SRPK2: variants seen among roughly 807,000 people sequenced by gnomAD.
The protein encoded by SRPK2 is SRSF protein kinase 2.
A neutral mutation model predicts 90.8 loss-of-function variants in SRPK2; 21 were observed. The observed-to-expected ratio is 0.23, with a 90% CI of 0.16 to 0.33. The LOEUF (loss-of-function observed/expected upper bound fraction) is 0.33, where lower values mean the gene tolerates loss of function less well. Ranked by LOEUF, SRPK2 falls within the 10% of genes least tolerant of loss-of-function variation. The pLI is 1.00. For synonymous variants in SRPK2, 288 were observed against 311.1 expected, an observed-to-expected ratio of 0.93 and a Z score of 0.78; for missense variants, 620 against 869.0, an observed-to-expected ratio of 0.71 and a Z score of 3.60.
intron 2 of SRPK2, among the ~76,000 whole-genome samples, chr7:105,363,443 G>A (rs1204301365): frequency 3.3e-5 from 5 of 152,126 alleles, no homozygotes; most frequent in Non-Finnish European, 5.9e-5. Flanking sequence ...ATCATCACTG[G>A]CCATCAGAGA....
At chr7:105,327,471 G>A (rs553951792) in intron 2 of SRPK2, among the ~76,000 whole-genome samples, 1 of 152,256 alleles carries the variant, frequency 6.6e-6, no homozygotes, top group Admixed American at 6.5e-5. Context: ...CAATCTCTTG[G>A]TTTTGTACCT....
intron 2 of SRPK2, among the ~76,000 whole-genome samples, chr7:105,351,697 G>A (rs1020290197): frequency 2.6e-5 from 4 of 151,322 alleles, no homozygotes; most frequent in Admixed American, 1.3e-4. Context: ...CCAGCTACTC[G>A]GGAGGCTGAG....
intron 2 of SRPK2, chr7:105,204,496 G>A: frequency 5.6e-6 from 2 of 357,434 alleles, no homozygotes; most frequent in South Asian, 4.8e-5. Context: ...CCATGCCCCA[G>A]TGCGGGGAAA....
chr7:105,135,127 T>C (rs1802598756), intron 11 of SRPK2, among the ~76,000 whole-genome samples: 1 of 152,208 alleles, frequency 6.6e-6, no homozygotes, highest in African/African-American at 2.4e-5. Flanking sequence ...GCCCCGTATG[T>C]CATTTAATCA....
chr7:105,226,463 G>A (rs1798724435), intron 2 of SRPK2, among the ~76,000 whole-genome samples: 1 of 151,908 alleles, frequency 6.6e-6, no homozygotes, highest in Non-Finnish European at 1.5e-5. Flanking sequence ...GCTAACTTTA[G>A]TATTTTTAGT....
At chr7:105,378,243 T>C (rs1264316831) in intron 2 of SRPK2, among the ~76,000 whole-genome samples, 1 of 152,116 alleles carries the variant, frequency 6.6e-6, no homozygotes, top group Non-Finnish European at 1.5e-5. Flanking sequence ...CAGTTTAGAA[T>C]GCCCTCCTGA....
intron 2 of SRPK2, among the ~76,000 whole-genome samples, chr7:105,234,946 C>T (rs1364691409): frequency 1.3e-5 from 2 of 152,226 alleles, no homozygotes; most frequent in African/African-American, 2.4e-5. Context: ...CAGCCCAGGA[C>T]GGCTTTGAAT....
At position 105,275,673 on chromosome 7, in the gene SRPK2, A is replaced by G. The variant is rs548162039; in HGVS notation, c.72-71888T>C. Among the ~76,000 whole-genome samples the G allele has an allele frequency of 8.5e-4, 130 of 152,344 alleles. 2 individuals carry two copies. The highest frequency in any genetic ancestry group is 6.8e-3 in the Middle Eastern group (2 of 294). ...TACAGCACTAAGCCAAGCCCCTGGA[A>G]CCCTGATGAGGAGTAGCAGATTACC... On this transcript the variant is annotated intron_variant, in intron 2 of 15. Transcript: ENST00000393651.
chr7:105,374,874 T>C (rs539496007), intron 2 of SRPK2, among the ~76,000 whole-genome samples: 13 of 152,264 alleles, frequency 8.5e-5, no homozygotes, highest in Non-Finnish European at 1.3e-4. Flanking sequence ...CCCAAACTGC[T>C]GGAATTACAG....
intron 1 of SRPK2, among the ~76,000 whole-genome samples, chr7:105,397,243 T>C (rs780431611): frequency 1.3e-5 from 2 of 151,952 alleles, no homozygotes; most frequent in African/African-American, 4.8e-5. Context: ...GTCTCGATCT[T>C]TTGACGTCGT....
At chr7:105,257,989 C>G (rs991663222) in intron 2 of SRPK2, among the ~76,000 whole-genome samples, 2 of 151,796 alleles carry the variant, frequency 1.3e-5, no homozygotes, top group African/African-American at 4.8e-5. Context: ...CGCCTGTAGT[C>G]CCACCTACTC....
chr7:105,226,720 C>G (rs1798754042), intron 2 of SRPK2, among the ~76,000 whole-genome samples: 2 of 151,964 alleles, frequency 1.3e-5, no homozygotes, highest in African/African-American at 4.8e-5. Flanking sequence ...CAGTGTAGAT[C>G]TCTGGCCAGG....
intron 2 of SRPK2, among the ~76,000 whole-genome samples, chr7:105,289,100 C>CAAAAAAAAA (rs57131530): frequency 1.2e-5 from 1 of 86,644 alleles, no homozygotes; most frequent in Non-Finnish European, 2.2e-5. Flanking sequence ...ACTTAAAGCA[C>CAAAAAAAAA]AAAAAAAAAA....
rs140249965 is a variant in SRPK2 at position 105,361,124 on chromosome 7, A to G, written c.71+27524T>C. Among the ~76,000 whole-genome samples, 738 of 152,318 alleles carry G rather than the reference A, an allele frequency of 4.8e-3. 11 individuals are homozygous for G. In the East Asian group the frequency reaches 0.055, roughly 11 times the overall value. ...TCTCCTTAAGCTGATAAGCAACTTC[A>G]GCAAAGTCTCAGTCAATGTACAAAA... On this transcript the variant is annotated intron_variant, in intron 2 of 15. Coordinates refer to ENST00000393651, the MANE Select transcript of SRPK2 (RefSeq NM_182692.3).
intron 3 of SRPK2, among the ~76,000 whole-genome samples, chr7:105,201,940 G>A (rs1317492940): frequency 6.6e-6 from 1 of 152,188 alleles, no homozygotes; most frequent in Admixed American, 6.5e-5. Flanking sequence ...ACCTAATGCT[G>A]GGCCTCAGCA....
At chr7:105,155,744 G>C (rs1198800812) in intron 7 of SRPK2, among the ~76,000 whole-genome samples, 10 of 152,194 alleles carry the variant, frequency 6.6e-5, no homozygotes, top group Admixed American at 6.5e-4. Context: ...TTTTCGTTGA[G>C]TCTTAAAAAT....
chr7:105,264,035 C>T (rs974761794), intron 2 of SRPK2, among the ~76,000 whole-genome samples: 2 of 152,102 alleles, frequency 1.3e-5, no homozygotes, highest in African/African-American at 2.4e-5. Context: ...TGCATTGCAA[C>T]GGGGGGAGAA....
intron 2 of SRPK2, among the ~76,000 whole-genome samples, chr7:105,383,053 A>T (rs6979209): frequency 0.79 from 79,427 of 101,050 alleles, 29,267 homozygotes; most frequent in South Asian, 0.85. Flanking sequence ...AAAAGTAAAA[A>T]TTTTTTTTTT....
rs914658553 is a variant in SRPK2 at position 105,176,577 on chromosome 7, G to A, written c.230-7312C>T. Among the ~76,000 whole-genome samples the A allele has an allele frequency of 8.3e-4, 101 of 122,424 alleles. 1 individual carries two copies. Among genetic ancestry groups the A allele is most frequent in the African/African-American group, 2.5e-3 (83 of 33,734 alleles). The allele number at this position is 122,424 out of a possible 152,430, so 80.3% of individuals were successfully genotyped here. ...CATATATGTGTGTGTGTGTGTGTGT[G>A]TGTATGTATATATGTGTGTGTGTGT... On this transcript the variant is annotated intron_variant, in intron 3 of 15. Transcript: ENST00000393651.
Sources: gnomAD v4.1 joint callset for allele counts (sites outside exome capture counted in the v4.1 genomes callset) on GRCh38, gnomAD v4.1.1 for gene constraint, MANE v1.5 for transcripts, NCBI Gene and HGNC (gene_info 2026-07-23, HGNC 2026-07-21) for gene names.